The following PRKX variants were observed in gnomAD, a reference collection of about 807,000 sequenced individuals.
PRKX encodes the protein protein kinase cAMP-dependent X-linked catalytic subunit.
In PRKX, 12 loss-of-function variants were observed where a neutral mutation model predicts 22.0. The observed-to-expected ratio is 0.54, with a 90% CI of 0.35 to 0.88. The LOEUF is 0.88. Ranked by LOEUF, PRKX falls within the 40% of genes least tolerant of loss-of-function variation. The probability of loss-of-function intolerance (pLI) is 0.01; values close to 1 mark genes in which losing one functional copy is unlikely to be tolerated. For missense variants in PRKX, 217 were observed against 308.0 expected (o/e 0.70, Z 2.21); for synonymous variants, 134 against 137.7 (o/e 0.97, Z 0.19).
chrX:3,672,466 C>T (rs937126574), intron 2 of PRKX, among the ~76,000 whole-genome samples: 1 of 110,216 alleles, frequency 9.1e-6, no homozygotes, highest in Non-Finnish European at 1.9e-5. Context: ...ACAAGCTCCT[C>T]CCTATTTTTT....
At position 3,669,933 on chromosome X, in the gene PRKX, C is replaced by A. The variant is rs1229301513; in HGVS notation, c.335+4665G>T. ...ACTTTGCCCTCCCTCCCTGAAGGAA[C>A]ACTTGGTTATGTATGGAGACATTTC... On this transcript the variant is annotated intron_variant, in intron 2 of 8. Transcript: ENST00000262848. Among the ~76,000 whole-genome samples the A allele has an allele frequency of 3.6e-5, 4 of 111,897 alleles. No homozygotes were observed. In the East Asian group the frequency reaches 8.5e-4, roughly 24 times the overall value.
At chrX:3,668,879 C>T (rs1478483705) in intron 2 of PRKX, among the ~76,000 whole-genome samples, 4 of 112,535 alleles carry the variant, frequency 3.6e-5, no homozygotes, top group East Asian at 2.8e-4. Context: ...TCTGTGCATC[C>T]GCTACAGTGG....
intron 4 of PRKX, among the ~76,000 whole-genome samples, chrX:3,631,638 T>G (rs1439431328): frequency 8.9e-6 from 1 of 112,284 alleles, no homozygotes; most frequent in East Asian, 2.8e-4. Flanking sequence ...GATCTTGAGA[T>G]GAGATCGTCC....
At chrX:3,624,462 A>G (rs1288616008) in intron 5 of PRKX, among the ~76,000 whole-genome samples, 1 of 110,478 alleles carries the variant, frequency 9.1e-6, no homozygotes, top group Non-Finnish European at 1.9e-5. Flanking sequence ...ACTCTCAAAG[A>G]AGATAAACTA....
chrX:3,702,870 C>T (rs1346666820), intron 1 of PRKX, among the ~76,000 whole-genome samples: 1 of 109,520 alleles, frequency 9.1e-6, no homozygotes, highest in East Asian at 2.9e-4. Context: ...ACTTGTTTTC[C>T]CCCTTTGTAG....
At chrX:3,652,050 C>T (rs971893779) in intron 3 of PRKX, among the ~76,000 whole-genome samples, 3 of 110,830 alleles carry the variant, frequency 2.7e-5, no homozygotes, top group Admixed American at 9.7e-5. Context: ...GCTATGAGGA[C>T]GCTGAGGCAT....
chrX:3,643,422 G>C (rs1038182891), intron 3 of PRKX, among the ~76,000 whole-genome samples: 1 of 112,287 alleles, frequency 8.9e-6, no homozygotes, highest in Admixed American at 9.5e-5. Context: ...TGCAGCAGAA[G>C]CTGGAAGACT....
Position 3,605,059 on chromosome X carries a change from A to ACACACACACC in PRKX, c.*3909_*3910insGGTGTGTGTG, listed in dbSNP as rs1375814188. 9 of 80,722 alleles carry ACACACACACC rather than the reference A, an allele frequency of 1.1e-4. No homozygotes were observed. The highest frequency in any genetic ancestry group is 4.0e-4 in the African/African-American group (9 of 22,477). 6.7% of individuals were successfully genotyped at this position (80,722 alleles called of 1,213,427 possible). On this transcript the variant is annotated 3_prime_UTR_variant, in exon 9 of 9. Coordinates refer to ENST00000262848, the MANE Select transcript of PRKX (RefSeq NM_005044.5). ...CACACACACACACACACACACACACACCCCGCAAAGAAACTATCCAAATGC... is the reference window on the plus strand; with the variant it reads ...CACACACACACACACACACACACACACACACACACCCCCCGCAAAGAAACTATCCAAATGC...
intron 1 of PRKX, among the ~76,000 whole-genome samples, chrX:3,710,801 G>C (rs6567593): frequency 0.4 from 44,186 of 110,766 alleles, 6,571 homozygotes; most frequent in Admixed American, 0.55. Context: ...AGAGAATTCG[G>C]AATGAGGGCG....
intron 4 of PRKX, among the ~76,000 whole-genome samples, chrX:3,634,881 T>G (rs1462473054): frequency 9.0e-6 from 1 of 110,787 alleles, no homozygotes; most frequent in Non-Finnish European, 1.9e-5. Context: ...TCATTTTATT[T>G]TTTGTAGAAA....
At chrX:3,693,901 C>T (rs1264921388) in intron 1 of PRKX, among the ~76,000 whole-genome samples, 1 of 94,333 alleles carries the variant, frequency 1.1e-5, no homozygotes, top group African/African-American at 4.1e-5. Context: ...GATTGCGCCA[C>T]TGCACTCCAG....
intron 4 of PRKX, among the ~76,000 whole-genome samples, chrX:3,630,356 C>G (rs778375872): frequency 2.1e-4 from 23 of 111,249 alleles, no homozygotes; most frequent in East Asian, 1.1e-3. Context: ...TCAAGGAGAT[C>G]GAGACCATCC....
At chrX:3,638,841 C>A (rs1926954861) in intron 4 of PRKX, among the ~76,000 whole-genome samples, 1 of 106,664 alleles carries the variant, frequency 9.4e-6, no homozygotes, top group South Asian at 4.3e-4. Context: ...CATAGAAAGA[C>A]AGATGATAAA....
At chrX:3,692,766 G>A (rs768984967) in intron 1 of PRKX, among the ~76,000 whole-genome samples, 23 of 110,447 alleles carry the variant, frequency 2.1e-4, no homozygotes, top group Non-Finnish European at 3.2e-4. Flanking sequence ...TGACCTCGTG[G>A]TCCACCCGCC....
At chrX:3,636,466 G>A (rs1926888584) in intron 4 of PRKX, among the ~76,000 whole-genome samples, 1 of 112,908 alleles carries the variant, frequency 8.9e-6, no homozygotes, top group African/African-American at 3.2e-5. Flanking sequence ...AAAACAGATG[G>A]GCTGGTCGGA....
intron 4 of PRKX, 91 bp from the exon 5 acceptor site, chrX:3,626,605 G>A: frequency 1.4e-6 from 1 of 690,151 alleles, no homozygotes; most frequent in Non-Finnish European, 2.3e-6. Flanking sequence ...GCTTCACACA[G>A]GCAGAAGGTA....
chrX:3,649,742 G>A (rs1313877829), intron 3 of PRKX, among the ~76,000 whole-genome samples: 2 of 39,679 alleles, frequency 5.0e-5, no homozygotes, highest in African/African-American at 2.0e-4. Flanking sequence ...TGGGAGGGGA[G>A]GGAAGGGGAA....
intron 2 of PRKX, among the ~76,000 whole-genome samples, chrX:3,671,504 A>G (rs922401161): frequency 1.8e-5 from 2 of 111,803 alleles, no homozygotes; most frequent in Non-Finnish European, 3.8e-5. Context: ...GTAGACTTTA[A>G]ATGATGAGGA....
At chrX:3,682,591 G>C (rs6641606) in intron 1 of PRKX, among the ~76,000 whole-genome samples, 15,555 of 110,945 alleles carry the variant, frequency 0.14, 967 homozygotes, top group East Asian at 0.41. Flanking sequence ...TGAAGGTGGT[G>C]CAATATGAGT....
Sources: allele counts gnomAD v4.1 joint callset (sites outside exome capture counted in the v4.1 genomes callset), GRCh38; gene constraint gnomAD v4.1.1; transcripts MANE v1.5; gene names NCBI Gene and HGNC (gene_info 2026-07-23, HGNC 2026-07-21).